The following USP6 variants were observed in gnomAD, a reference collection of about 807,000 sequenced individuals.
USP6 encodes ubiquitin carboxyl-terminal hydrolase 6.
A neutral mutation model predicts 175.7 loss-of-function variants in USP6; 128 were observed. The observed-to-expected ratio is 0.73, with a 90% confidence interval of 0.63 to 0.84. The LOEUF (loss-of-function observed/expected upper bound fraction) is 0.84, where lower values mean the gene tolerates loss of function less well. USP6 is among the 40% of genes least tolerant of loss of function. The pLI is 0.00. For missense variants in USP6, 1,498 were observed against 1,760.3 expected, an observed-to-expected ratio of 0.85 and a Z score of 2.67; for synonymous variants, 562 against 630.6, an observed-to-expected ratio of 0.89 and a Z score of 1.63.
rs199894334 is a variant in USP6 at position 5,139,353 on chromosome 17, C to T, written c.1177C>T (p.Pro393Ser). 261 of 1,612,866 alleles carry T rather than the reference C, an allele frequency of 1.6e-4. No individual in the cohort carries two copies. The highest frequency in any genetic ancestry group is 2.1e-4 in the Non-Finnish European group (248 of 1,180,022). ...GTATAGGCAGGCCCCTCCAGGCCCA[C>T]CAGCCCAGTTCCAGCGGCCCATTTG... Reference protein sequence around the residue: ...KGYRQAPPGPPAQFQRPICSA... With the variant: ...KGYRQAPPGPSAQFQRPICSA... The change falls in exon 22 of 38, where the codon CCA becomes TCA. Residue 393 changes from proline (P) to serine (S), a missense_variant. Pro to Ser is a moderately conservative substitution (Grantham distance 74). Around this residue, in one of 2 missense-constraint regions of USP6, gnomAD observed 1,217 missense variants for 1,500.8 expected, o/e 0.81. Coordinates refer to ENST00000574788, the MANE Select transcript of USP6 (RefSeq NM_001304284.2).
intron 20 of USP6, 87 bp downstream of exon 20, chr17:5,137,837 A>G: frequency 1.3e-6 from 2 of 1,592,828 alleles, no homozygotes; most frequent in Non-Finnish European, 1.7e-6. Context: ...CACTGTCCTC[A>G]TGATCCTCTG....
At chr17:5,172,687 G>A in intron 37 of USP6, 118 bp from the exon 38 acceptor site, 1 of 1,397,730 alleles carries the variant, frequency 7.2e-7, no homozygotes. Context: ...CCAAACTAGT[G>A]AGCTTATTGG....
At chr17:5,137,043 A>C in intron 18 of USP6, 78 bp from the exon 19 acceptor site, 1 of 1,461,272 alleles carries the variant, frequency 6.8e-7, no homozygotes, top group African/African-American at 1.4e-5. Flanking sequence ...ACTAGGGGAA[A>C]GGTCTTCAGA....
rs913999291 is a variant in USP6, at chr17:5,174,365, T to C, written c.*1387T>C. 5.2e-6 allele frequency: 1 copy of C among 190,820 alleles called. No homozygotes were observed. The highest frequency in any genetic ancestry group is 1.1e-5 in the Non-Finnish European group (1 of 90,834). The allele number at this position is 190,820 out of a possible 1,614,324, so 11.8% of individuals were successfully genotyped here. ...GCCAGATTCCATTACCCTTTCTTCCTCATAGGTAGTAATTACCAATGTAAC... is the reference window on the plus strand; with the variant it reads ...GCCAGATTCCATTACCCTTTCTTCCCCATAGGTAGTAATTACCAATGTAAC... On this transcript the variant is annotated 3_prime_UTR_variant, in exon 38 of 38. Transcript: ENST00000574788.
In USP6 at chr17:5,130,358, G is replaced by T; in HGVS notation, c.-1-9G>T. On this transcript the variant is annotated splice_polypyrimidine_tract_variant and intron_variant, in intron 9 of 37. Coordinates refer to ENST00000574788, the MANE Select transcript of USP6 (RefSeq NM_001304284.2). ...TACAGTGTAACCTTTAGACAATTTT[G>T]TCTCACAGGATGGACATGGTAGAGA... 6.2e-7 allele frequency: 1 copy of T among 1,614,030 alleles called. No homozygotes were observed. Among genetic ancestry groups the T allele is most frequent in the Non-Finnish European group, 8.5e-7 (1 of 1,179,982 alleles).
rs757362355 is a variant in USP6, at chr17:5,155,434, C to T, written c.2656C>T (p.Leu886=). The change falls in exon 31 of 38, where the codon CTG becomes TTG. Residue 886 remains leucine (L), a synonymous_variant. Transcript: ENST00000574788. ...TTTGTACATACAGATGAGGACAGAA[C>T]TGTATTTCCTGTCACCTCAGGAGAA... is the stretch of plus-strand genomic sequence containing the variant. The part of the protein sequence containing the change: ...AVHRKMMRTE[L]YFLSPQENRP... The T allele has an allele frequency of 1.2e-6, 2 of 1,614,030 alleles. No homozygotes were observed. Among genetic ancestry groups the T allele is most frequent in the South Asian group, 2.2e-5 (2 of 91,064 alleles).
chr17:5,147,227 G>A (rs1598049733), intron 29 of USP6, 33 bp downstream of exon 29: 2 of 1,563,224 alleles, frequency 1.3e-6, no homozygotes, highest in Non-Finnish European at 8.8e-7. Flanking sequence ...TCTCATGACT[G>A]CACCTTTAAA....
intron 30 of USP6, among the ~76,000 whole-genome samples, chr17:5,151,027 C>A (rs1255456465): frequency 4.6e-5 from 7 of 151,924 alleles, no homozygotes; most frequent in Non-Finnish European, 1.0e-4. Flanking sequence ...GAATTTAGGG[C>A]CCACCCAGAT....
intron 28 of USP6, among the ~76,000 whole-genome samples, chr17:5,146,403 G>A (rs1478902970): frequency 6.6e-6 from 1 of 152,110 alleles, no homozygotes; most frequent in Non-Finnish European, 1.5e-5. Flanking sequence ...AGGGAAATAT[G>A]TAAGGCTGCC....
intron 1 of USP6, among the ~76,000 whole-genome samples, chr17:5,117,358 A>G (rs905122270): frequency 1.3e-5 from 2 of 152,140 alleles, no homozygotes; most frequent in African/African-American, 4.8e-5. Context: ...TCTACAAAAA[A>G]TACAAAAATT....
intron 28 of USP6, 57 bp from the exon 29 acceptor site, chr17:5,147,026 A>C (rs1293732348): frequency 5.3e-6 from 8 of 1,504,530 alleles, no homozygotes; most frequent in Non-Finnish European, 7.3e-6. Flanking sequence ...TAGAGAGAGA[A>C]CTTTTCCTTT....
At chr17:5,172,766 G>T (rs765249615) in intron 37 of USP6, 39 bp from the exon 38 acceptor site, 1 of 1,610,184 alleles carries the variant, frequency 6.2e-7, no homozygotes, top group African/African-American at 1.3e-5. Context: ...AGTCATAATA[G>T]TGATGGCTTT....
intron 20 of USP6, 148 bp from the exon 21 acceptor site, chr17:5,137,973 C>T (rs1365317359): frequency 4.6e-6 from 7 of 1,523,134 alleles, no homozygotes; most frequent in Non-Finnish European, 6.1e-6. Flanking sequence ...GATCACCCCC[C>T]AGCCACAGTC....
chr17:5,150,606 T>C (rs1441809920), intron 30 of USP6, among the ~76,000 whole-genome samples: 8 of 151,780 alleles, frequency 5.3e-5, no homozygotes, highest in African/African-American at 1.9e-4. Flanking sequence ...GCAATTCTCC[T>C]GCCTCAGCCT....
intron 25 of USP6, among the ~76,000 whole-genome samples, chr17:5,143,389 T>C (rs1403452554): frequency 2.0e-5 from 3 of 152,194 alleles, no homozygotes; most frequent in Non-Finnish European, 4.4e-5. Flanking sequence ...CATAGGAGAC[T>C]TTTCATTTTG....
In USP6 at chr17:5,139,294, C is replaced by T. The variant is rs147204288; in HGVS notation, c.1118C>T (p.Pro373Leu). ...EQGSLAPRPVPASRGGKTLCK... is the reference protein window; with the variant it reads ...EQGSLAPRPVLASRGGKTLCK... ...GGGTCCTTGGCACCCAGGCCTGTGC[C>T]GGCTTCACGTGGTGGGAAGACCCTC... The change falls in exon 22 of 38, where the codon CCG (proline) becomes CTG (leucine). Residue 373 changes from proline (P) to leucine (L), a missense_variant. Coordinates refer to ENST00000574788, the MANE Select transcript of USP6 (RefSeq NM_001304284.2). The T allele has an allele frequency of 1.1e-3, 1,715 of 1,606,866 alleles. 17 individuals are homozygous for T. The African/African-American group carries it at 0.018, about 17-fold the overall frequency.
At position 5,138,197 on chromosome 17, in the gene USP6, C is replaced by T. The variant is rs769234796; in HGVS notation, c.1002C>T (p.Asn334=). 61 of 1,613,950 alleles carry T rather than the reference C, an allele frequency of 3.8e-5. No homozygotes were observed. Among genetic ancestry groups the T allele is most frequent in the Non-Finnish European group, 4.8e-5 (57 of 1,180,000 alleles). Reference sequence around the variant, plus strand: ...AATTCTTCGATACCTGGGCCATGAACGATGACACCGTGCTCAAGCATCTTA... The same window carrying T: ...AATTCTTCGATACCTGGGCCATGAATGATGACACCGTGCTCAAGCATCTTA... ...RNQFFDTWAM[N]DDTVLKHLRA... is the part of the protein sequence containing the mutation. Residue 334 remains asparagine (N), a synonymous_variant, in exon 21 of 38, where the codon AAC becomes AAT. Transcript: ENST00000574788.
Position 5,173,701 on chromosome 17 carries a change from G to A in USP6, c.*723G>A, listed in dbSNP as rs3194086. The stretch of plus-strand genomic sequence containing the variant: ...AACATCCTGGGAAATCCAGCTACCA[G>A]GGCCCTCCCAGTGGAGGCATCTTAC... On this transcript the variant is annotated 3_prime_UTR_variant, in exon 38 of 38. Coordinates refer to ENST00000574788, the MANE Select transcript of USP6 (RefSeq NM_001304284.2). 7.2e-4 allele frequency: 158 copies of A among 218,026 alleles called. 1 individual carries two copies. Among genetic ancestry groups the A allele is most frequent in the Non-Finnish European group, 1.1e-3 (124 of 108,188 alleles). The allele number at this position is 218,026 out of a possible 1,614,324, so 13.5% of individuals were successfully genotyped here. A position where few individuals can be genotyped will look rare whatever the true frequency, so the allele number is the denominator to read the frequency against.
chr17:5,138,932 C>A, intron 21 of USP6: 3 of 1,262,464 alleles, frequency 2.4e-6, no homozygotes, highest in Non-Finnish European at 3.2e-6. Flanking sequence ...ACATCCAAGG[C>A]CCCTCCCACT....
Sources: allele counts gnomAD v4.1 joint callset (sites outside exome capture counted in the v4.1 genomes callset), GRCh38; gene constraint gnomAD v4.1.1; regional missense constraint gnomAD v4.1.1; transcripts MANE v1.5; gene names NCBI Gene and HGNC (gene_info 2026-07-23, HGNC 2026-07-21).